Variants in RALYL observed in about 807,000 individuals in gnomAD.
The protein encoded by RALYL is RNA-binding Raly-like protein.
RALYL carries 29 observed loss-of-function variants against 35.1 expected under a neutral mutation model. That is an observed-to-expected ratio of 0.83 (90% confidence interval 0.61 to 1.13). RALYL has a LOEUF of 1.13. RALYL is among the 50% of genes most tolerant of loss of function. RALYL has a pLI of 0.00. For synonymous variants in RALYL, 120 were observed against 127.6 expected (o/e 0.94, Z 0.40); for missense variants, 359 against 360.4 (o/e 1.00, Z 0.03).
At chr8:84,270,620 A>G (rs887846800) in intron 1 of RALYL, among the ~76,000 whole-genome samples, 1 of 151,718 alleles carries the variant, frequency 6.6e-6, no homozygotes, top group South Asian at 2.1e-4. Context: ...TCTATAAAAC[A>G]TTATTACACA....
intron 2 of RALYL, among the ~76,000 whole-genome samples, chr8:84,534,504 A>G (rs1415609396): frequency 6.6e-6 from 1 of 152,046 alleles, no homozygotes; most frequent in Non-Finnish European, 1.5e-5. Context: ...TAGGGCACGG[A>G]ATATATATGT....
chr8:84,489,631 T>C (rs2055035582), intron 1 of RALYL, among the ~76,000 whole-genome samples: 2 of 151,806 alleles, frequency 1.3e-5, no homozygotes, highest in South Asian at 4.2e-4. Context: ...TAACAGAGAG[T>C]GCTATGGGAT....
intron 2 of RALYL, among the ~76,000 whole-genome samples, chr8:84,763,113 A>G (rs1423447226): frequency 6.6e-6 from 1 of 152,200 alleles, no homozygotes; most frequent in African/African-American, 2.4e-5. Context: ...GAATTATAAA[A>G]TACCTCACAT....
At chr8:84,303,348 C>T (rs573953521) in intron 1 of RALYL, among the ~76,000 whole-genome samples, 1 of 152,136 alleles carries the variant, frequency 6.6e-6, no homozygotes, top group Admixed American at 6.5e-5. Context: ...TAATGAAGAG[C>T]AGCATTGTAA....
chr8:84,472,461 A>T (rs2052895221), intron 1 of RALYL, among the ~76,000 whole-genome samples: 1 of 152,166 alleles, frequency 6.6e-6, no homozygotes, highest in African/African-American at 2.4e-5. Flanking sequence ...GCAAAGAGAA[A>T]ATTCTAGAGA....
Position 84,680,559 on chromosome 8 carries a change from T to C in RALYL, c.257-94020T>C, listed in dbSNP as rs567930847. ...TGCCATTCTAACTGGTGTGAGATGG[T>C]ATCTCATTGTGGTTTTGATTTGCAT... On this transcript the variant is annotated intron_variant, in intron 2 of 8. Transcript: ENST00000521268. Among the ~76,000 whole-genome samples the C allele has an allele frequency of 1.8e-4, 28 of 152,320 alleles. No homozygotes were observed. In the South Asian group the frequency reaches 5.4e-3, roughly 29 times the overall value.
At chr8:84,476,053 A>G (rs2053370751) in intron 1 of RALYL, among the ~76,000 whole-genome samples, 1 of 152,178 alleles carries the variant, frequency 6.6e-6, no homozygotes, top group South Asian at 2.1e-4. Context: ...GGTGAATGAA[A>G]TGGATACAGT....
intron 2 of RALYL, among the ~76,000 whole-genome samples, chr8:84,702,381 T>C (rs1404519387): frequency 6.6e-6 from 1 of 152,282 alleles, no homozygotes; most frequent in East Asian, 1.9e-4. Context: ...ACTATGTAAG[T>C]CATGCTGTGT....
intron 2 of RALYL, among the ~76,000 whole-genome samples, chr8:84,734,697 C>A (rs933433165): frequency 6.6e-6 from 1 of 151,860 alleles, no homozygotes; most frequent in South Asian, 2.1e-4. Flanking sequence ...GTTGTTCTAA[C>A]TGAAAATGGC....
intron 2 of RALYL, among the ~76,000 whole-genome samples, chr8:84,559,992 T>G (rs2061377238): frequency 6.6e-6 from 1 of 151,518 alleles, no homozygotes; most frequent in Non-Finnish European, 1.5e-5. Context: ...TTTTTTTAAT[T>G]GCCTCAAATG....
intron 2 of RALYL, among the ~76,000 whole-genome samples, chr8:84,535,184 TA>T (rs2059513712): frequency 6.6e-6 from 1 of 152,196 alleles, no homozygotes; most frequent in African/African-American, 2.4e-5. Context: ...TTCTGCTGGT[TA>T]GGAGCCAAAG....
At chr8:84,785,760 C>T (rs1819293244) in intron 3 of RALYL, among the ~76,000 whole-genome samples, 1 of 151,988 alleles carries the variant, frequency 6.6e-6, no homozygotes, top group African/African-American at 2.4e-5. Context: ...GGGTATGGTG[C>T]ACCTATTAGA....
chr8:84,439,262 T>C (rs1764565226), intron 1 of RALYL, among the ~76,000 whole-genome samples: 1 of 152,088 alleles, frequency 6.6e-6, no homozygotes, highest in Admixed American at 6.6e-5. Context: ...TGATTTCTTG[T>C]CATTGTGTGT....
intron 8 of RALYL, among the ~76,000 whole-genome samples, chr8:84,892,061 G>A (rs1327952464): frequency 6.6e-6 from 1 of 152,150 alleles, no homozygotes; most frequent in Non-Finnish European, 1.5e-5. Context: ...TGTAGGTGGT[G>A]GTGCCCCTTG....
At chr8:84,499,245 G>A (rs1005814080) in intron 1 of RALYL, among the ~76,000 whole-genome samples, 17 of 151,822 alleles carry the variant, frequency 1.1e-4, no homozygotes, top group Non-Finnish European at 1.2e-4. Context: ...CCTCCCTCGC[G>A]CCTTTATCAT....
intron 2 of RALYL, among the ~76,000 whole-genome samples, chr8:84,539,943 C>T (rs2059910850): frequency 6.8e-6 from 1 of 146,924 alleles, no homozygotes; most frequent in South Asian, 2.1e-4. Context: ...CACACATGCA[C>T]ATTTTAATTT....
intron 2 of RALYL, among the ~76,000 whole-genome samples, chr8:84,546,680 T>C (rs2060379908): frequency 6.6e-6 from 1 of 152,220 alleles, no homozygotes; most frequent in South Asian, 2.1e-4. Context: ...TGGAGAAATC[T>C]TATACTCTGG....
At chr8:84,486,579 A>C (rs1249393840) in intron 1 of RALYL, among the ~76,000 whole-genome samples, 1 of 151,856 alleles carries the variant, frequency 6.6e-6, no homozygotes, top group African/African-American at 2.4e-5. Context: ...TATTGGTTTT[A>C]ATTTTTTATA....
At chr8:84,550,122 T>C (rs2060617143) in intron 2 of RALYL, among the ~76,000 whole-genome samples, 1 of 152,190 alleles carries the variant, frequency 6.6e-6, no homozygotes, top group Non-Finnish European at 1.5e-5. Context: ...TCCATGTTTC[T>C]TTCCAAAGAA....
Sources: gnomAD v4.1 joint callset for allele counts (sites outside exome capture counted in the v4.1 genomes callset) on GRCh38, gnomAD v4.1.1 for gene constraint, MANE v1.5 for transcripts, NCBI Gene and HGNC (gene_info 2026-07-23, HGNC 2026-07-21) for gene names.